Variants in TSGA10 observed in about 807,000 individuals in gnomAD.
The protein encoded by TSGA10 is testis specific 10.
Under a neutral mutation model 96.6 loss-of-function variants are expected in TSGA10, and 43 were observed. The observed-to-expected ratio is 0.44, with a 90% CI of 0.35 to 0.57. The LOEUF (loss-of-function observed/expected upper bound fraction) is 0.57. TSGA10 is among the 20% of genes least tolerant of loss of function. The pLI, the probability that TSGA10 is intolerant of heterozygous loss-of-function variation, is 0.01. For missense variants in TSGA10, 703 were observed against 834.4 expected (o/e 0.84, Z 1.94); for synonymous variants, 229 against 269.9 (o/e 0.85, Z 1.48).
In TSGA10 at chr2:99,078,771, C is replaced by A. The variant is rs1046055053; in HGVS notation, c.770G>T (p.Ser257Ile). Residue 257 changes from serine (S) to isoleucine (I), a missense_variant, in exon 12 of 21, where the codon AGC becomes ATC. Physicochemically the swap from Ser to Ile is moderately radical, Grantham distance 142. Transcript: ENST00000393483. Reference sequence around the variant, plus strand: ...ATCATTGAGGGTTCCACCAAGAATGCTGATTTCTTCTCGCTGTGCAATATT... The same window carrying A: ...ATCATTGAGGGTTCCACCAAGAATGATGATTTCTTCTCGCTGTGCAATATT... ...RQNIAQREEI[S>I]ILGGTLNDLA... 10 of 1,613,418 alleles carry A rather than the reference C, an allele frequency of 6.2e-6. No individual in the cohort carries two copies. The Admixed American group carries it at 1.3e-4, about 22-fold the overall frequency.
In TSGA10 at chr2:99,035,284, T is replaced by C; in HGVS notation, c.1560A>G (p.Ser520=). The C allele has an allele frequency of 2.5e-6, 4 of 1,612,332 alleles. No homozygotes were observed. Among genetic ancestry groups the C allele is most frequent in the East Asian group, 2.2e-5 (1 of 44,742 alleles). ...STRELCIKLD[S]SKELLNRQLV... is the part of the protein sequence containing the mutation. Reference sequence around the variant, plus strand: ...GCTGTCGATTAAGAAGTTCTTTGCTTGAGTCAAGTTTAATACAGAGTTCCC... The same window carrying C: ...GCTGTCGATTAAGAAGTTCTTTGCTCGAGTCAAGTTTAATACAGAGTTCCC... The change falls in exon 17 of 21, where the codon TCA becomes TCG. Residue 520 remains serine, a synonymous_variant. Coordinates refer to ENST00000393483, the MANE Select transcript of TSGA10 (RefSeq NM_025244.4).
intron 16 of TSGA10, 41 bp from the exon 17 acceptor site, chr2:99,035,480 A>ATAAT: frequency 7.4e-7 from 1 of 1,351,636 alleles, no homozygotes; most frequent in Non-Finnish European, 1.0e-6. Flanking sequence ...ATACATATAT[A>ATAAT]TTAAACTGGA....
intron 10 of TSGA10, 122 bp downstream of exon 10, chr2:99,103,845 T>C: frequency 8.2e-7 from 1 of 1,213,644 alleles, no homozygotes; most frequent in Non-Finnish European, 1.1e-6. Flanking sequence ...TTCCTACAAC[T>C]GCTTTTCAAT....
intron 10 of TSGA10, among the ~76,000 whole-genome samples, chr2:99,097,600 G>C (rs534059968): frequency 1.3e-5 from 2 of 152,010 alleles, no homozygotes; most frequent in African/African-American, 4.8e-5. Context: ...TTTCTAAGCT[G>C]ACAGAAAACA....
At position 99,112,410 on chromosome 2, in the gene TSGA10, T is replaced by G. The variant is rs188993922; in HGVS notation, c.-139-1495A>C. Among the ~76,000 whole-genome samples, 5 of 152,266 alleles carry G rather than the reference T, an allele frequency of 3.3e-5. No individual in the cohort carries two copies. The East Asian group carries it at 9.6e-4, about 29-fold the overall frequency. On this transcript the variant is annotated intron_variant, in intron 4 of 20. Coordinates refer to ENST00000393483, the MANE Select transcript of TSGA10 (RefSeq NM_025244.4). ...ATTTCTGCCTTTGTGGATTCTACAT[T>G]CCAGCTAGAATAGACAATAATAAAC...
At chr2:99,004,412 A>C (rs2078273163) in intron 20 of TSGA10, among the ~76,000 whole-genome samples, 1 of 151,882 alleles carries the variant, frequency 6.6e-6, no homozygotes, top group Non-Finnish European at 1.5e-5. Context: ...TATTCCAATC[A>C]ATAGAAAAAG....
At chr2:99,121,685 C>T (rs965216309) in intron 2 of TSGA10, among the ~76,000 whole-genome samples, 52 of 152,018 alleles carry the variant, frequency 3.4e-4, no homozygotes, top group African/African-American at 1.1e-3. Context: ...TTGGCCAGGC[C>T]GGTCTTGAAC....
At position 99,035,499 on chromosome 2, in the gene TSGA10, A is replaced by G. The variant is rs1029565903; in HGVS notation, c.1405-60T>C. On this transcript the variant is annotated intron_variant, in intron 16 of 20. Coordinates refer to ENST00000393483, the MANE Select transcript of TSGA10 (RefSeq NM_025244.4). ...ATATATATTAAACTGGAAGGAAACTATAACATGGAAAAATGAAGTGGGGCA... is the reference window on the plus strand; with the variant it reads ...ATATATATTAAACTGGAAGGAAACTGTAACATGGAAAAATGAAGTGGGGCA... The G allele has an allele frequency of 3.3e-6, 4 of 1,226,292 alleles. No homozygotes were observed. In the Admixed American group the frequency reaches 8.0e-5, roughly 24 times the overall value. 76.0% of individuals were successfully genotyped at this position (1,226,292 alleles called of 1,614,324 possible).
chr2:99,093,655 T>C (rs566431808), intron 10 of TSGA10, among the ~76,000 whole-genome samples: 1 of 150,980 alleles, frequency 6.6e-6, no homozygotes, highest in South Asian at 2.1e-4. Flanking sequence ...TTTTAATAGC[T>C]GCAAAGAAAA....
chr2:99,091,512 G>A (rs1035569250), intron 10 of TSGA10, among the ~76,000 whole-genome samples: 6 of 152,068 alleles, frequency 3.9e-5, no homozygotes, highest in Non-Finnish European at 8.8e-5. Context: ...ATACAGAATG[G>A]CAGAATTGAT....
intron 16 of TSGA10, among the ~76,000 whole-genome samples, chr2:99,061,664 T>C (rs2084708987): frequency 6.6e-6 from 1 of 152,078 alleles, no homozygotes; most frequent in Non-Finnish European, 1.5e-5. Flanking sequence ...AAATGAAAAC[T>C]TACATGAACG....
chr2:99,080,337 G>A lies in TSGA10; in HGVS notation c.727+945C>T, dbSNP rs551516084. On this transcript the variant is annotated intron_variant, in intron 11 of 20. Coordinates refer to ENST00000393483, the MANE Select transcript of TSGA10 (RefSeq NM_025244.4). ...TATCCTCCCCTTTTAAAAACACTTC[G>A]CTTTCTGGTCTTCCAAAATAACACT... Among the ~76,000 whole-genome samples, 108 of 152,080 alleles carry A rather than the reference G, an allele frequency of 7.1e-4. 1 individual carries two copies. Among genetic ancestry groups the A allele is most frequent in the South Asian group, 4.4e-3 (21 of 4,816 alleles).
rs137990918 is a variant in TSGA10 at position 99,130,964 on chromosome 2, T to C, written c.-620-3788A>G. Among the ~76,000 whole-genome samples the C allele has an allele frequency of 4.2e-3, 638 of 152,286 alleles. 1 individual carries two copies. In the Middle Eastern group the frequency reaches 0.054, roughly 13 times the overall value. ...GTGGCGTTGTTTCTGAGGCCTCTGT[T>C]CTGTTCCATTGGTATATATATATTG... is the stretch of plus-strand genomic sequence containing the variant. On this transcript the variant is annotated intron_variant, in intron 1 of 20. Transcript: ENST00000393483.
chr2:99,098,238 C>A (rs1189851755), intron 10 of TSGA10, among the ~76,000 whole-genome samples: 1 of 151,520 alleles, frequency 6.6e-6, no homozygotes. Flanking sequence ...GAGTTTGAGA[C>A]CAACCTGGCT....
intron 10 of TSGA10, chr2:99,102,157 T>C (rs150681647): frequency 2.1e-5 from 31 of 1,502,466 alleles, no homozygotes; most frequent in African/African-American, 4.1e-5. Context: ...CTGATGAATA[T>C]ACTTGAACTT....
Position 99,073,057 on chromosome 2 carries a change from C to T in TSGA10, c.899G>A (p.Gly300Asp). 5 of 1,603,068 alleles carry T rather than the reference C, an allele frequency of 3.1e-6. No homozygotes were observed. Among genetic ancestry groups the T allele is most frequent in the Non-Finnish European group, 4.3e-6 (5 of 1,172,272 alleles). The change falls in exon 13 of 21, where the codon GGC becomes GAC. Residue 300 changes from glycine (G) to aspartate (D), a missense_variant. This residue lies in a region of TSGA10 where 585 missense variants were observed against 656.8 expected (regional missense o/e 0.89). Transcript: ENST00000393483. Reference sequence around the variant, plus strand: ...CATCTCAGCAATGATATTCTTCATGCCTGAAATGGTCTTTTCCTTGAAAAA... The same window carrying T: ...CATCTCAGCAATGATATTCTTCATGTCTGAAATGGTCTTTTCCTTGAAAAA... ...SLAMKEKTIS[G>D]MKNIIAEMEQ...
intron 2 of TSGA10, among the ~76,000 whole-genome samples, chr2:99,120,573 T>C (rs1309938485): frequency 1.3e-5 from 2 of 152,218 alleles, no homozygotes; most frequent in Non-Finnish European, 2.9e-5. Flanking sequence ...TCCAGTATTA[T>C]AGGTACTCAA....
intron 10 of TSGA10, among the ~76,000 whole-genome samples, chr2:99,083,861 C>T (rs1023792936): frequency 2.6e-5 from 4 of 151,926 alleles, no homozygotes; most frequent in Non-Finnish European, 4.4e-5. Flanking sequence ...GATATTTTTG[C>T]GGTAATAGAC....
chr2:99,051,292 TA>T, intron 16 of TSGA10, among the ~76,000 whole-genome samples: 1 of 152,004 alleles, frequency 6.6e-6, no homozygotes, highest in East Asian at 1.9e-4. Flanking sequence ...ACTAAAAAGA[TA>T]AAAAATATAT....
Sources: allele counts gnomAD v4.1 joint callset (sites outside exome capture counted in the v4.1 genomes callset), GRCh38; gene constraint gnomAD v4.1.1; regional missense constraint gnomAD v4.1.1; transcripts MANE v1.5; gene names NCBI Gene and HGNC (gene_info 2026-07-23, HGNC 2026-07-21).